The following C8orf34 variants were observed in gnomAD, a reference collection of about 807,000 sequenced individuals.
C8orf34 encodes the protein chromosome 8 open reading frame 34.
A neutral mutation model predicts 68.3 loss-of-function variants in C8orf34; 65 were observed. The observed-to-expected ratio is 0.95, with a 90% CI of 0.78 to 1.17. The LOEUF (loss-of-function observed/expected upper bound fraction) is 1.17, where lower values mean the gene tolerates loss of function less well. Ranked by LOEUF, C8orf34 falls within the 50% of genes most tolerant of loss-of-function variation. The pLI, the probability that C8orf34 is intolerant of heterozygous loss-of-function variation, is 0.00. For missense variants in C8orf34, 664 were observed against 655.4 expected (o/e 1.01, Z -0.14); for synonymous variants, 244 against 241.2 (o/e 1.01, Z -0.11).
At chr8:68,471,626 A>G (rs576881018) in intron 4 of C8orf34, among the ~76,000 whole-genome samples, 1 of 152,204 alleles carries the variant, frequency 6.6e-6, no homozygotes, top group African/African-American at 2.4e-5. Context: ...CTAGGAAGAC[A>G]TAGGGGATGG....
At chr8:68,665,552 T>A (rs1482193945) in intron 8 of C8orf34, among the ~76,000 whole-genome samples, 1 of 152,142 alleles carries the variant, frequency 6.6e-6, no homozygotes, top group Non-Finnish European at 1.5e-5. Flanking sequence ...CCTTTTCTTC[T>A]CTTACATCAT....
At chr8:68,786,130 G>C (rs764546768) in intron 11 of C8orf34, among the ~76,000 whole-genome samples, 8 of 152,218 alleles carry the variant, frequency 5.3e-5, no homozygotes, top group Non-Finnish European at 1.0e-4. Context: ...GATGATGAGT[G>C]AATTTGAGAG....
chr8:68,607,080 CA>C (rs1337953962), intron 7 of C8orf34, among the ~76,000 whole-genome samples: 1 of 152,080 alleles, frequency 6.6e-6, no homozygotes, highest in Non-Finnish European at 1.5e-5. Flanking sequence ...TTCTTATCGT[CA>C]ATCAGAGTCT....
At chr8:68,507,284 T>C (rs1370402306) in intron 5 of C8orf34, among the ~76,000 whole-genome samples, 2 of 152,228 alleles carry the variant, frequency 1.3e-5, no homozygotes, top group African/African-American at 4.8e-5. Flanking sequence ...TCCAGTAAAC[T>C]TTCTGAACCC....
chr8:68,424,314 C>T (rs900198315), intron 1 of C8orf34, among the ~76,000 whole-genome samples: 3 of 152,154 alleles, frequency 2.0e-5, no homozygotes, highest in Non-Finnish European at 2.9e-5. Flanking sequence ...AACCTACATG[C>T]TCAACCTAAA....
intron 7 of C8orf34, among the ~76,000 whole-genome samples, chr8:68,575,819 A>G (rs895382949): frequency 6.6e-6 from 1 of 151,978 alleles, no homozygotes; most frequent in Non-Finnish European, 1.5e-5. Flanking sequence ...TTAATCAAGT[A>G]TTATCATTGG....
At chr8:68,649,764 T>G (rs1281852401) in intron 8 of C8orf34, among the ~76,000 whole-genome samples, 1 of 152,186 alleles carries the variant, frequency 6.6e-6, no homozygotes, top group Non-Finnish European at 1.5e-5. Context: ...AAGCCTTTCT[T>G]GTTACATGAC....
At chr8:68,420,855 C>A (rs1809935272) in intron 1 of C8orf34, among the ~76,000 whole-genome samples, 1 of 147,232 alleles carries the variant, frequency 6.8e-6, no homozygotes, top group African/African-American at 2.6e-5. Context: ...CAGAATGAAG[C>A]AGATAGAAAC....
At chr8:68,356,620 T>C (rs757155306) in intron 1 of C8orf34, among the ~76,000 whole-genome samples, 9 of 152,144 alleles carry the variant, frequency 5.9e-5, no homozygotes, top group Non-Finnish European at 1.2e-4. Flanking sequence ...TTTTGAGAAA[T>C]TTGCCATGAA....
chr8:68,468,929 A>T, intron 4 of C8orf34, 109 bp downstream of exon 4: 3 of 1,229,440 alleles, frequency 2.4e-6, no homozygotes, highest in Non-Finnish European at 3.4e-6. Flanking sequence ...CTAATTCTGC[A>T]AGAGGCTGAG....
chr8:68,478,255 A>G (rs1218551317), intron 4 of C8orf34, among the ~76,000 whole-genome samples: 1 of 152,076 alleles, frequency 6.6e-6, no homozygotes, highest in Non-Finnish European at 1.5e-5. Flanking sequence ...TGCCCTAGAG[A>G]TGCCATCAGT....
At chr8:68,682,866 C>A (rs1256864256) in intron 8 of C8orf34, among the ~76,000 whole-genome samples, 1 of 151,724 alleles carries the variant, frequency 6.6e-6, no homozygotes, top group Non-Finnish European at 1.5e-5. Context: ...TACTTTTTTC[C>A]AAATTAGGAA....
intron 7 of C8orf34, among the ~76,000 whole-genome samples, chr8:68,563,728 C>A (rs911433240): frequency 6.6e-6 from 1 of 151,302 alleles, no homozygotes; most frequent in Non-Finnish European, 1.5e-5. Flanking sequence ...TGCAGTGGTA[C>A]TTAGATAAAT....
intron 7 of C8orf34, among the ~76,000 whole-genome samples, chr8:68,549,825 A>C (rs561402001): frequency 2.8e-4 from 42 of 151,872 alleles, no homozygotes; most frequent in Middle Eastern, 6.8e-3. Flanking sequence ...ATTCTTGACT[A>C]ATCAACTCCT....
intron 8 of C8orf34, among the ~76,000 whole-genome samples, chr8:68,661,218 T>A (rs979874205): frequency 3.3e-5 from 5 of 152,216 alleles, no homozygotes; most frequent in Non-Finnish European, 4.4e-5. Context: ...GGGGAGCAGA[T>A]GGCAGTCTCT....
chr8:68,696,098 C>G (rs933218786), intron 8 of C8orf34, among the ~76,000 whole-genome samples: 5 of 151,428 alleles, frequency 3.3e-5, no homozygotes, highest in Non-Finnish European at 5.9e-5. Flanking sequence ...CCCAAGAGGT[C>G]AGGACTTCAA....
intron 1 of C8orf34, among the ~76,000 whole-genome samples, chr8:68,376,623 A>G (rs762118077): frequency 1.4e-5 from 2 of 147,936 alleles, no homozygotes; most frequent in East Asian, 2.0e-4. Flanking sequence ...TTTTTTTTTT[A>G]AATCATTTTA....
chr8:68,617,328 A>G (rs1313693052), intron 7 of C8orf34, among the ~76,000 whole-genome samples: 1 of 152,168 alleles, frequency 6.6e-6, no homozygotes, highest in Non-Finnish European at 1.5e-5. Flanking sequence ...TCATGTCATT[A>G]TGATGTTAGC....
chr8:68,597,483 C>T (rs190995038), intron 7 of C8orf34, among the ~76,000 whole-genome samples: 36 of 152,074 alleles, frequency 2.4e-4, no homozygotes, highest in African/African-American at 8.7e-4. Context: ...ATTGAAAACT[C>T]ATCTATTTTT....
Sources: allele counts gnomAD v4.1 joint callset (sites outside exome capture counted in the v4.1 genomes callset), GRCh38; gene constraint gnomAD v4.1.1; transcripts MANE v1.5; gene names NCBI Gene and HGNC (gene_info 2026-07-23, HGNC 2026-07-21).